The following SPINK2 variants were observed in gnomAD, a reference collection of about 807,000 sequenced individuals.
SPINK2 encodes the protein serine protease inhibitor Kazal-type 2.
In SPINK2, 8 loss-of-function variants were observed where a neutral mutation model predicts 13.5. That is an observed-to-expected ratio of 0.59 (90% CI 0.35 to 1.07). The LOEUF (loss-of-function observed/expected upper bound fraction) is 1.07. SPINK2 is among the 50% of genes least tolerant of loss of function. The pLI is 0.02. For synonymous variants in SPINK2, 76 were observed against 74.7 expected (o/e 1.02, Z -0.09); for missense variants, 148 against 180.3 (o/e 0.82, Z 1.03).
intron 2 of SPINK2, among the ~76,000 whole-genome samples, chr4:56,817,771 T>C (rs1395226604): frequency 1.3e-5 from 2 of 151,926 alleles, no homozygotes; most frequent in Non-Finnish European, 2.9e-5. Context: ...GGAGAATCGC[T>C]TGAACTCAGC....
chr4:56,814,787 C>A (rs1717288809), intron 2 of SPINK2, among the ~76,000 whole-genome samples: 1 of 151,778 alleles, frequency 6.6e-6, no homozygotes, highest in South Asian at 2.1e-4. Context: ...CGATGAAACC[C>A]CGCCTCTACT....
chr4:56,818,200 G>C (rs1717619466), intron 2 of SPINK2: 2 of 152,168 alleles, frequency 1.3e-5, no homozygotes, highest in African/African-American at 4.8e-5. Flanking sequence ...CAATCTCTCT[G>C]TCTCTCTCCC....
At chr4:56,811,925 G>C in intron 2 of SPINK2, 131 bp from the exon 3 acceptor site, 10 of 257,778 alleles carry the variant, frequency 3.9e-5, no homozygotes, top group East Asian at 7.7e-5. Context: ...TTATTTTCCA[G>C]AAAAATTTTT....
Position 56,811,792 on chromosome 4 carries a change from TGGC to T in SPINK2, c.250-1_251del, listed in dbSNP as rs1042686999. The T allele has an allele frequency of 6.2e-7, 1 of 1,602,184 alleles. No homozygotes were observed. Among genetic ancestry groups the T allele is most frequent in the African/African-American group, 1.3e-5 (1 of 74,400 alleles). ...CTGGTAATCTATACTGAGAGCAGTT[TGGC>T]TGGAAAAAAGAAAGAGAGAAATTCG... On this transcript the variant is annotated splice_acceptor_variant and coding_sequence_variant, in exon 3 of 4. Coordinates refer to ENST00000506738, the MANE Select transcript of SPINK2 (RefSeq NM_001271718.2). LOFTEE classifies it high-confidence loss of function.
At chr4:56,811,482 T>C (rs1009096677) in intron 3 of SPINK2, among the ~76,000 whole-genome samples, 9 of 152,160 alleles carry the variant, frequency 5.9e-5, no homozygotes, top group East Asian at 5.8e-4. Flanking sequence ...CCAAGCGTGG[T>C]GGCAGGTGCC....
intron 2 of SPINK2, among the ~76,000 whole-genome samples, chr4:56,813,434 G>A (rs1350882747): frequency 6.6e-6 from 1 of 152,062 alleles, no homozygotes; most frequent in Non-Finnish European, 1.5e-5. Flanking sequence ...TCACAAACTG[G>A]TACTAGTCCA....
chr4:56,821,544 G>A lies in SPINK2; in HGVS notation c.119C>T (p.Thr40Ile), dbSNP rs778789852. 3.2e-6 allele frequency: 5 copies of A among 1,546,478 alleles called. No individual in the cohort carries two copies. The highest frequency in any genetic ancestry group is 2.7e-5 in the African/African-American group (2 of 72,882). The change falls in exon 1 of 4, where the codon ACC becomes ATC. Residue 40 changes from threonine (T) to isoleucine (I), a missense_variant. Thr to Ile is a moderately conservative substitution (Grantham distance 89, BLOSUM62 -1). Coordinates refer to ENST00000506738, the MANE Select transcript of SPINK2 (RefSeq NM_001271718.2). Reference sequence around the variant, plus strand: ...CGGAGCAGGGCAGGGTCCGCCGCCGGTCTGACTCCCAAACCCGCTTTTCTC... The same window carrying A: ...CGGAGCAGGGCAGGGTCCGCCGCCGATCTGACTCCCAAACCCGCTTTTCTC... ...PPEKSGFGSQ[T>I]GGGPCPAPGG... is the part of the protein sequence containing the mutation.
At chr4:56,814,150 C>T (rs1298714203) in intron 2 of SPINK2, among the ~76,000 whole-genome samples, 2 of 151,354 alleles carry the variant, frequency 1.3e-5, no homozygotes, top group African/African-American at 4.9e-5. Flanking sequence ...TCTCAAACTC[C>T]TGACCTTGTG....
intron 3 of SPINK2, among the ~76,000 whole-genome samples, chr4:56,811,300 C>A (rs1302891740): frequency 6.6e-6 from 1 of 152,058 alleles, no homozygotes; most frequent in Non-Finnish European, 1.5e-5. Context: ...TTGTCACTAC[C>A]CCCTAAGTAA....
At chr4:56,814,905 G>A (rs965202626) in intron 2 of SPINK2, among the ~76,000 whole-genome samples, 7 of 149,618 alleles carry the variant, frequency 4.7e-5, no homozygotes, top group African/African-American at 1.7e-4. Context: ...AGCTGGCAGT[G>A]AGCCGAGATC....
At chr4:56,818,671 A>G (rs1355345467) in intron 2 of SPINK2, among the ~76,000 whole-genome samples, 1 of 151,948 alleles carries the variant, frequency 6.6e-6, no homozygotes, top group Non-Finnish European at 1.5e-5. Context: ...CCAAAAAACA[A>G]AAAAAGACAG....
intron 2 of SPINK2, among the ~76,000 whole-genome samples, chr4:56,816,391 C>T (rs907203828): frequency 2.0e-5 from 3 of 151,942 alleles, no homozygotes; most frequent in African/African-American, 7.3e-5. Flanking sequence ...GTGGCTCACA[C>T]CTGTAATCCC....
In SPINK2 at chr4:56,814,666, T is replaced by TAA. The variant is rs562380277; in HGVS notation, c.250-2874_250-2873dup. Among the ~76,000 whole-genome samples the TAA allele has an allele frequency of 2.5e-3, 375 of 151,556 alleles. 1 individual carries two copies. Among genetic ancestry groups the TAA allele is most frequent in the African/African-American group, 8.9e-3 (366 of 41,338 alleles). On this transcript the variant is annotated intron_variant, in intron 2 of 3. Transcript: ENST00000506738. ...TCCAAAACTCTTTTATGATTTTTTT[T>TAA]AAAAAAAAGAGGTGGCCAGGCGCGG...
chr4:56,821,677 G>C lies in SPINK2; in HGVS notation c.-15C>G. ...GACAGCGCCATCCTCCTCCCGCGCC[G>C]GCTGTCTTGCCCCTGCGGTCTGTTA... On this transcript the variant is annotated 5_prime_UTR_variant, in exon 1 of 4. Coordinates refer to ENST00000506738, the MANE Select transcript of SPINK2 (RefSeq NM_001271718.2). 1.3e-6 allele frequency: 2 copies of C among 1,518,866 alleles called. No individual in the cohort carries two copies. Among genetic ancestry groups the C allele is most frequent in the Non-Finnish European group, 1.8e-6 (2 of 1,136,664 alleles). 94.1% of individuals were successfully genotyped at this position (1,518,866 alleles called of 1,614,324 possible). A position where few individuals can be genotyped will look rare whatever the true frequency, so the allele number is the denominator to read the frequency against.
chr4:56,813,138 C>T (rs944068621), intron 2 of SPINK2, among the ~76,000 whole-genome samples: 1 of 152,146 alleles, frequency 6.6e-6, no homozygotes, highest in Admixed American at 6.6e-5. Context: ...CCTGGGTCAA[C>T]ATGGTGAAAC....
intron 2 of SPINK2, among the ~76,000 whole-genome samples, chr4:56,817,706 T>C (rs1443715534): frequency 1.3e-5 from 2 of 151,942 alleles, no homozygotes; most frequent in African/African-American, 4.8e-5. Flanking sequence ...ATATAGAAAT[T>C]AGCCGAGCAT....
rs1167309090 is a variant in SPINK2, at chr4:56,821,581, G to A, written c.82C>T (p.Arg28Trp). 1.9e-6 allele frequency: 3 copies of A among 1,548,220 alleles called. No individual in the cohort carries two copies. The highest frequency in any genetic ancestry group is 2.4e-5 in the South Asian group (2 of 83,940). Residue 28 changes from arginine to tryptophan, a missense_variant, in exon 1 of 4, where the codon CGG becomes TGG. By Grantham distance (101) the Arg-to-Trp change is moderately radical. Transcript: ENST00000506738. Reference protein sequence around the residue: ...AGSARSGPGERGPPEKSGFGS... With the variant: ...AGSARSGPGEWGPPEKSGFGS... ...AACCCGCTTTTCTCCGGAGGTCCCC[G>A]CTCGCCAGGACCGCTCCGAGCGCTA... is the stretch of plus-strand genomic sequence containing the variant.
At chr4:56,811,560 T>G (rs991353671) in intron 3 of SPINK2, 125 bp downstream of exon 3, 4 of 448,118 alleles carry the variant, frequency 8.9e-6, no homozygotes, top group Non-Finnish European at 1.5e-5. Context: ...GAGGTTGCAG[T>G]GAACCAAGAT....
chr4:56,813,311 G>A (rs961071003), intron 2 of SPINK2, among the ~76,000 whole-genome samples: 3 of 152,094 alleles, frequency 2.0e-5, no homozygotes, highest in African/African-American at 4.8e-5. Flanking sequence ...CAACAACAGC[G>A]AAACTGTCTC....
Sources: allele counts gnomAD v4.1 joint callset (sites outside exome capture counted in the v4.1 genomes callset), GRCh38; gene constraint gnomAD v4.1.1; transcripts MANE v1.5; gene names NCBI Gene and HGNC (gene_info 2026-07-23, HGNC 2026-07-21).